The following REV3L variants were observed in gnomAD, a reference collection of about 807,000 sequenced individuals.
The protein encoded by REV3L is DNA polymerase zeta catalytic subunit.
A neutral mutation model predicts 299.4 loss-of-function variants in REV3L; 69 were observed. The observed-to-expected ratio is 0.23, with a 90% CI of 0.19 to 0.28. The LOEUF (loss-of-function observed/expected upper bound fraction) is 0.28, where lower values mean the gene tolerates loss of function less well. Ranked by LOEUF, REV3L falls within the 10% of genes least tolerant of loss-of-function variation. REV3L has a pLI of 1.00. For synonymous variants in REV3L, 1,238 were observed against 1,271.4 expected (o/e 0.97, Z 0.56); for missense variants, 3,128 against 3,693.8 (o/e 0.85, Z 3.97).
chr6:111,310,979 C>T (rs1437521729), intron 29 of REV3L, 90 bp downstream of exon 29: 11 of 999,820 alleles, frequency 1.1e-5, no homozygotes, highest in Non-Finnish European at 1.5e-5. Flanking sequence ...AATTTTGTGT[C>T]TGTGTCTATG....
At chr6:111,336,561 A>ATAC (rs1400903492) in intron 21 of REV3L, among the ~76,000 whole-genome samples, 54 of 152,290 alleles carry the variant, frequency 3.5e-4, no homozygotes, top group East Asian at 1.3e-3. Flanking sequence ...GAATCCTCAT[A>ATAC]TACTGCTGGT....
intron 1 of REV3L, chr6:111,431,617 G>T: frequency 1.3e-6 from 1 of 780,794 alleles, no homozygotes; most frequent in African/African-American, 1.7e-5. Context: ...TAAAGAACTT[G>T]CACAGCAAGT....
intron 16 of REV3L, among the ~76,000 whole-genome samples, chr6:111,359,838 T>G (rs531238181): frequency 6.6e-5 from 10 of 152,308 alleles, no homozygotes; most frequent in South Asian, 2.1e-4. Context: ...ATTATTCAGA[T>G]CATATAAATT....
chr6:111,411,601 A>G, intron 2 of REV3L, 47 bp from the exon 3 acceptor site: 1 of 1,217,204 alleles, frequency 8.2e-7, no homozygotes, highest in Non-Finnish European at 1.2e-6. Context: ...TAATTCAGAG[A>G]TGAAATAATG....
chr6:111,468,861 T>C (rs919121351), intron 1 of REV3L, among the ~76,000 whole-genome samples: 6 of 152,126 alleles, frequency 3.9e-5, no homozygotes, highest in African/African-American at 1.4e-4. Flanking sequence ...AGGCCACTTT[T>C]AAAAACTTGG....
rs1780150324 is a variant in REV3L, at chr6:111,374,929, A to C, written c.3426T>G (p.Ala1142=). 1 of 1,612,578 alleles carries C rather than the reference A, an allele frequency of 6.2e-7. No homozygotes were observed. Among genetic ancestry groups the C allele is most frequent in the African/African-American group, 1.3e-5 (1 of 74,842 alleles). ...TDPRAEEIMA[A]AEKEAMLFKG... ...TAAAAAGCATTGCCTCTTTTTCTGCAGCAGCCATGATTTCTTCAGCTCTTG... is the reference window on the plus strand; with the variant it reads ...TAAAAAGCATTGCCTCTTTTTCTGCCGCAGCCATGATTTCTTCAGCTCTTG... The change falls in exon 13 of 32, where the codon GCT becomes GCG. Residue 1142 remains alanine, a synonymous_variant. Transcript: ENST00000368802.
intron 16 of REV3L, among the ~76,000 whole-genome samples, chr6:111,363,381 C>G (rs1248103749): frequency 6.6e-6 from 1 of 152,122 alleles, no homozygotes; most frequent in African/African-American, 2.4e-5. Context: ...TCACAGCTCA[C>G]TGCACCCTCG....
At chr6:111,317,404 A>G (rs1773655875) in intron 26 of REV3L, among the ~76,000 whole-genome samples, 1 of 152,220 alleles carries the variant, frequency 6.6e-6, no homozygotes, top group Admixed American at 6.5e-5. Context: ...TAGACCTTCA[A>G]TCTAGGCTAT....
rs1562287948 is a variant in REV3L at position 111,422,665 on chromosome 6, T to TATATATATAC, written c.140-6194_140-6193insGTATATATAT. On this transcript the variant is annotated intron_variant, in intron 1 of 31. Transcript: ENST00000368802. ...ATATATATACATATATATATATACA[T>TATATATATAC]ATATATATATATACGTATATATATA... is the stretch of plus-strand genomic sequence containing the variant. 1.3e-4 allele frequency among the ~76,000 whole-genome samples: 5 copies of TATATATATAC among 37,454 alleles called. 1 individual carries two copies. Among genetic ancestry groups the TATATATATAC allele is most frequent in the East Asian group, 2.6e-3 (2 of 766 alleles). The allele number at this position is 37,454 out of a possible 152,430, so 24.6% of individuals were successfully genotyped here.
intron 1 of REV3L, among the ~76,000 whole-genome samples, chr6:111,446,519 C>A (rs964887317): frequency 5.9e-5 from 9 of 152,054 alleles, no homozygotes; most frequent in Non-Finnish European, 8.8e-5. Flanking sequence ...ACCTGACCAA[C>A]AAGGTGAAAC....
chr6:111,309,586 C>G (rs1582446496), intron 30 of REV3L: 1 of 295,678 alleles, frequency 3.4e-6, no homozygotes, highest in Non-Finnish European at 6.2e-6. Flanking sequence ...GCATGGCAGG[C>G]CAAGGTGGTC....
chr6:111,392,890 T>A lies in REV3L; in HGVS notation c.648A>T (p.Gln216His). ...SLADTLFRWE[Q>H]DEIPSSLILE... Reference sequence around the variant, plus strand: ...CATTAACTAACCTTGGTATTTCATCTTGTTCCCACCGAAATAAAGTATCAG... The same window carrying A: ...CATTAACTAACCTTGGTATTTCATCATGTTCCCACCGAAATAAAGTATCAG... The change falls in exon 5 of 32, where the codon CAA (glutamine) becomes CAT (histidine). Residue 216 changes from glutamine to histidine, a missense_variant. Transcript: ENST00000368802. 1 of 1,608,936 alleles carries A rather than the reference T, an allele frequency of 6.2e-7. No homozygotes were observed. The highest frequency in any genetic ancestry group is 1.3e-5 in the African/African-American group (1 of 74,956).
At chr6:111,315,525 G>A (rs1773425946) in intron 26 of REV3L, 144 bp from the exon 27 acceptor site, 1 of 611,528 alleles carries the variant, frequency 1.6e-6, no homozygotes, top group Non-Finnish European at 2.9e-6. Context: ...TGCTTTCTAT[G>A]TAAGCTCTCC....
chr6:111,299,913 A>G lies in REV3L; in HGVS notation c.*103T>C. ...TCTTCATAGTCTTCAGATAACAGAC[A>G]GTGAACATCCTTGACTCGATGAAAG... On this transcript the variant is annotated 3_prime_UTR_variant, in exon 32 of 32. Transcript: ENST00000368802. 8.9e-7 allele frequency: 1 copy of G among 1,121,878 alleles called. No individual in the cohort carries two copies. The highest frequency in any genetic ancestry group is 1.3e-6 in the Non-Finnish European group (1 of 796,970). The allele number at this position is 1,121,878 out of a possible 1,614,324, so 69.5% of individuals were successfully genotyped here. A position where few individuals can be genotyped will look rare whatever the true frequency, so the allele number is the denominator to read the frequency against.
intron 4 of REV3L, among the ~76,000 whole-genome samples, chr6:111,394,356 G>A (rs1782251182): frequency 6.6e-6 from 1 of 152,142 alleles, no homozygotes; most frequent in Non-Finnish European, 1.5e-5. Flanking sequence ...ATTGCTTACT[G>A]TGGTTTTGAT....
chr6:111,343,888 A>T (rs1260195347), intron 21 of REV3L, 37 bp downstream of exon 21: 1 of 1,326,872 alleles, frequency 7.5e-7, no homozygotes, highest in Non-Finnish European at 1.1e-6. Flanking sequence ...CTCAATGATG[A>T]TTTTATATTA....
At chr6:111,346,235 C>G (rs1777006541) in intron 20 of REV3L, among the ~76,000 whole-genome samples, 1 of 152,206 alleles carries the variant, frequency 6.6e-6, no homozygotes, top group South Asian at 2.1e-4. Context: ...TTCCAACCCA[C>G]TTGGCAAATT....
At chr6:111,449,975 G>A (rs920856708) in intron 1 of REV3L, among the ~76,000 whole-genome samples, 2 of 152,092 alleles carry the variant, frequency 1.3e-5, no homozygotes, top group Non-Finnish European at 2.9e-5. Context: ...AGAAGTAGAA[G>A]AATGCCTGAA....
intron 16 of REV3L, among the ~76,000 whole-genome samples, chr6:111,363,053 T>G (rs2115007228): frequency 6.6e-6 from 1 of 152,316 alleles, no homozygotes; most frequent in Non-Finnish European, 1.5e-5. Flanking sequence ...AGTGACCCAT[T>G]CACATATTCT....
Sources: allele counts gnomAD v4.1 joint callset (sites outside exome capture counted in the v4.1 genomes callset), GRCh38; gene constraint gnomAD v4.1.1; transcripts MANE v1.5; gene names NCBI Gene and HGNC (gene_info 2026-07-23, HGNC 2026-07-21).